The following MCF2L variants were observed in gnomAD, a reference collection of about 807,000 sequenced individuals.
MCF2L encodes MCF.2 cell line derived transforming sequence like.
In MCF2L, 97 loss-of-function variants were observed where a neutral mutation model predicts 153.4. The ratio of observed to expected loss-of-function variants is 0.63; its 90% CI spans 0.54 to 0.75. The LOEUF is 0.75. Among genes scored for constraint, MCF2L ranks in the 30% least tolerant of loss-of-function variants. The probability of loss-of-function intolerance (pLI) is 0.00; values close to 1 mark genes in which losing one functional copy is unlikely to be tolerated. For missense variants in MCF2L, 1,347 were observed against 1,495.2 expected (o/e 0.90, Z 1.64); for synonymous variants, 659 against 632.2 (o/e 1.04, Z -0.64).
chr13:113,074,167 GT>G lies in MCF2L; in HGVS notation c.997-275del, dbSNP rs112215017. Among the ~76,000 whole-genome samples the G allele has an allele frequency of 8.7e-3, 1,323 of 152,246 alleles. 14 individuals are homozygous for G. The highest frequency in any genetic ancestry group is 0.028 in the East Asian group (143 of 5,174). ...TCCTCATGCTGTTTTCAGGCGTGTG[GT>G]TGATAAACGGAGGCACACACAAGCC... On this transcript the variant is annotated intron_variant, in intron 9 of 29. Coordinates refer to ENST00000535094, the MANE Select transcript of MCF2L (RefSeq NM_001112732.3). The surrounding 1 kb of genome is among the most constrained non-coding windows in gnomAD (Gnocchi z 4.2).
rs1244490000 is a variant in MCF2L, at chr13:112,984,169, G to C, written c.79+14711G>C. 2.6e-5 allele frequency among the ~76,000 whole-genome samples: 4 copies of C among 152,296 alleles called. No individual in the cohort carries two copies. The East Asian group carries it at 7.7e-4, about 29-fold the overall frequency. ...GGGTCCACCTGTGCTGCCCTGCCCT[G>C]GGGTATTTGGAGCTGAGTTCCAATT... is the stretch of plus-strand genomic sequence containing the variant. On this transcript the variant is annotated intron_variant, in intron 1 of 29. Transcript: ENST00000535094.
chr13:113,028,578 G>A lies in MCF2L; in HGVS notation c.278+3820G>A, dbSNP rs1004870895. Among the ~76,000 whole-genome samples the A allele has an allele frequency of 1.3e-5, 2 of 152,214 alleles. No homozygotes were observed. The highest frequency in any genetic ancestry group is 4.8e-5 in the African/African-American group (2 of 41,446). On this transcript the variant is annotated intron_variant, in intron 3 of 29. Transcript: ENST00000535094. The surrounding 1 kb of genome is among the most constrained non-coding windows in gnomAD (Gnocchi z 5.4). ...CCCCGCTGTGGACACGCGGGCCCCA[G>A]GTTGCTCAGAGGCAGCTCCATGGAT...
At chr13:112,925,564 T>C (rs1195956225) in intron 2 of MCF2L, among the ~76,000 whole-genome samples, 2 of 152,270 alleles carry the variant, frequency 1.3e-5, no homozygotes, top group East Asian at 1.9e-4. Context: ...CACTACAACA[T>C]GCCTGCAGTT....
Position 112,979,861 on chromosome 13 carries a change from C to T in MCF2L, c.79+10403C>T, listed in dbSNP as rs567451453. ...CCTCCCTGGGGTATTTCTCTCACCACTTGACCAGCAAAAACCTGTGCAGCT... is the reference window on the plus strand; with the variant it reads ...CCTCCCTGGGGTATTTCTCTCACCATTTGACCAGCAAAAACCTGTGCAGCT... On this transcript the variant is annotated intron_variant, in intron 1 of 29. Coordinates refer to ENST00000535094, the MANE Select transcript of MCF2L (RefSeq NM_001112732.3). 6 of 1,073,554 alleles carry T rather than the reference C, an allele frequency of 5.6e-6. No individual in the cohort carries two copies. The South Asian group carries it at 8.0e-5, about 14-fold the overall frequency. The allele number at this position is 1,073,554 out of a possible 1,614,324, so 66.5% of individuals were successfully genotyped here. A position where few individuals can be genotyped will look rare whatever the true frequency, so the allele number is the denominator to read the frequency against.
chr13:113,045,081 T>C lies in MCF2L; in HGVS notation c.279-190T>C. The C allele has an allele frequency of 1.1e-6, 1 of 949,624 alleles. No individual in the cohort carries two copies. The highest frequency in any genetic ancestry group is 1.6e-6 in the Non-Finnish European group (1 of 626,946). The allele number at this position is 949,624 out of a possible 1,614,324, so 58.8% of individuals were successfully genotyped here. On this transcript the variant is annotated intron_variant, in intron 3 of 29. Transcript: ENST00000535094. This position sits in a 1 kb window ranked among gnomAD's most constrained non-coding sequence, Gnocchi z 4.2. ...CCAAAAGTGCCTGCCCTTCCGTAGA[T>C]GAGAGCAGGTTCTGGGACTGCGGGG...
intron 2 of MCF2L, among the ~76,000 whole-genome samples, chr13:112,930,887 A>G (rs1283830993): frequency 6.6e-6 from 1 of 152,212 alleles, no homozygotes; most frequent in African/African-American, 2.4e-5. Flanking sequence ...GAGTGAGCCA[A>G]GATCACGCCA....
intron 2 of MCF2L, chr13:112,909,277 G>C: frequency 2.6e-6 from 2 of 779,786 alleles, no homozygotes; most frequent in Non-Finnish European, 4.8e-6. Flanking sequence ...CGTCCACAGT[G>C]AGCTGGTGTC....
chr13:112,909,682 C>G (rs1287756435), intron 2 of MCF2L: 1 of 174,576 alleles, frequency 5.7e-6, no homozygotes, highest in East Asian at 1.4e-4. Flanking sequence ...GTTGCCCAAG[C>G]TGGATGGAGT....
intron 20 of MCF2L, among the ~76,000 whole-genome samples, chr13:113,085,686 T>G: frequency 7.2e-6 from 1 of 139,618 alleles, no homozygotes; most frequent in Non-Finnish European, 1.6e-5. Context: ...GGGGAGCAGG[T>G]GCGAGGGGTT....
At chr13:112,898,834 C>T (rs1237155145) in intron 1 of MCF2L, among the ~76,000 whole-genome samples, 1 of 152,224 alleles carries the variant, frequency 6.6e-6, no homozygotes, top group Admixed American at 6.5e-5. Context: ...CAGCTGCTCT[C>T]AGGCCCCAGG....
intron 1 of MCF2L, among the ~76,000 whole-genome samples, chr13:112,970,050 G>A (rs2081986330): frequency 6.6e-6 from 1 of 152,140 alleles, no homozygotes; most frequent in African/African-American, 2.4e-5. Flanking sequence ...GATTCTTTTA[G>A]GTGTAAGCAG....
At chr13:113,086,472 GGA>G (rs1486527604) in intron 21 of MCF2L, among the ~76,000 whole-genome samples, 1 of 152,154 alleles carries the variant, frequency 6.6e-6, no homozygotes, top group African/African-American at 2.4e-5. Context: ...TCTGGGACGT[GGA>G]GAAAATCAGG....
intron 1 of MCF2L, chr13:112,979,296 G>C: frequency 2.6e-6 from 3 of 1,135,242 alleles, no homozygotes; most frequent in Non-Finnish European, 3.2e-6. Context: ...CGCCCTGTTC[G>C]AGGAAGGAAA....
intron 5 of MCF2L, chr13:113,063,873 T>C (rs1566829067): frequency 2.2e-6 from 1 of 446,798 alleles, no homozygotes; most frequent in South Asian, 1.6e-5. Context: ...GGGCTGTGAG[T>C]TTGAAGATGC....
At chr13:112,957,184 C>G (rs1310167368) in intron 2 of MCF2L, 1 of 152,216 alleles carries the variant, frequency 6.6e-6, no homozygotes, top group Non-Finnish European at 1.5e-5. Flanking sequence ...CCCTACCGGC[C>G]CCTGCTGCTC....
chr13:112,933,879 C>T (rs2081488429), intron 2 of MCF2L, among the ~76,000 whole-genome samples: 1 of 152,234 alleles, frequency 6.6e-6, no homozygotes, highest in African/African-American at 2.4e-5. Flanking sequence ...GGAAAGGCCG[C>T]TCAGCTGGCA....
chr13:113,057,650 GT>G (rs2030372822), intron 4 of MCF2L, among the ~76,000 whole-genome samples: 1 of 146,296 alleles, frequency 6.8e-6, no homozygotes, highest in African/African-American at 2.5e-5. Context: ...GGTGCTGAGT[GT>G]TTAGGTGCTG....
intron 15 of MCF2L, among the ~76,000 whole-genome samples, chr13:113,080,184 G>A (rs1405224299): frequency 1.6e-5 from 2 of 127,220 alleles, no homozygotes; most frequent in Non-Finnish European, 3.4e-5. Context: ...AGAGGGTCCA[G>A]GCAGGGGGGC....
chr13:113,033,327 GAGTGGCCCCCGTGACATT>G (rs2085894368), intron 3 of MCF2L, among the ~76,000 whole-genome samples: 1 of 110,348 alleles, frequency 9.1e-6, no homozygotes, highest in Non-Finnish European at 1.8e-5. Context: ...CCTGTGGCGT[GAGTGGCCCCCGTGACATT>G]AGTGGACCCC....
Sources: gnomAD v4.1 joint callset for allele counts (sites outside exome capture counted in the v4.1 genomes callset) on GRCh38, gnomAD v4.1.1 for gene constraint, Gnocchi (gnomAD v3.1) non-coding constraint, MANE v1.5 for transcripts, NCBI Gene and HGNC (gene_info 2026-07-23, HGNC 2026-07-21) for gene names.